CEP85L: variants seen among roughly 807,000 people sequenced by gnomAD.
The protein encoded by CEP85L is centrosomal protein of 85 kDa-like.
Under a neutral mutation model 100.3 loss-of-function variants are expected in CEP85L, and 60 were observed. That is an observed-to-expected ratio of 0.60 (90% CI 0.49 to 0.74). The LOEUF is 0.74. Among genes scored for constraint, CEP85L ranks in the 30% least tolerant of loss-of-function variants. CEP85L has a pLI of 0.00. For synonymous variants in CEP85L, 319 were observed against 322.7 expected (o/e 0.99, Z 0.12); for missense variants, 973 against 936.2 (o/e 1.04, Z -0.51).
Position 118,549,997 on chromosome 6 carries a change from A to G in CEP85L, c.1020+15532T>C, listed in dbSNP as rs182150540. Among the ~76,000 whole-genome samples, 7 of 152,058 alleles carry G rather than the reference A, an allele frequency of 4.6e-5. No homozygotes were observed. The East Asian group carries it at 1.3e-3, about 29-fold the overall frequency. On this transcript the variant is annotated intron_variant, in intron 3 of 12. Coordinates refer to ENST00000368491, the MANE Select transcript of CEP85L (RefSeq NM_001042475.3). ...TCATCTATACCTTAAGGTGCAAGTT[A>G]AGTATTATCTTTGTTTATGAAGACA...
intron 1 of CEP85L, among the ~76,000 whole-genome samples, chr6:118,648,390 A>C (rs1030653171): frequency 6.6e-6 from 1 of 152,176 alleles, no homozygotes; most frequent in Non-Finnish European, 1.5e-5. Flanking sequence ...AACTACACTT[A>C]TTATTCCTAT....
At chr6:118,514,021 ATAAGATTCT>A (rs1341370639) in intron 4 of CEP85L, among the ~76,000 whole-genome samples, 1 of 152,222 alleles carries the variant, frequency 6.6e-6, no homozygotes, top group African/African-American at 2.4e-5. Context: ...ACTATGCTTT[ATAAGATTCT>A]TACATTATAC....
intron 5 of CEP85L, chr6:118,501,549 T>G: frequency 2.0e-6 from 1 of 510,668 alleles, no homozygotes; most frequent in South Asian, 1.5e-5. Flanking sequence ...CTCAGCAACA[T>G]GAAAGAAGAG....
chr6:118,491,194 T>TACAC (rs1491518154), intron 6 of CEP85L, among the ~76,000 whole-genome samples: 253 of 81,290 alleles, frequency 3.1e-3, no homozygotes, highest in South Asian at 6.0e-3. Flanking sequence ...TACCAACATC[T>TACAC]ATACACACAC....
chr6:118,587,911 A>G (rs1780961501), intron 2 of CEP85L, among the ~76,000 whole-genome samples: 1 of 152,192 alleles, frequency 6.6e-6, no homozygotes, highest in Non-Finnish European at 1.5e-5. Flanking sequence ...TATGAGAAAA[A>G]TCTGCCAGTG....
At chr6:118,522,158 C>T (rs1001337842) in intron 4 of CEP85L, among the ~76,000 whole-genome samples, 9 of 151,968 alleles carry the variant, frequency 5.9e-5, no homozygotes, top group Non-Finnish European at 1.3e-4. Context: ...GTCGGGAGTT[C>T]GAGACCAGCC....
chr6:118,519,477 G>A (rs1410858970), intron 4 of CEP85L, among the ~76,000 whole-genome samples: 256 of 16,540 alleles, frequency 0.015, 12 homozygotes, highest in African/African-American at 0.068. Context: ...TGTGTGTGGC[G>A]GGGGGGGGTT....
chr6:118,480,651 TGAAAA>T, intron 8 of CEP85L, 138 bp from the exon 9 acceptor site: 1 of 572,016 alleles, frequency 1.7e-6, no homozygotes, highest in Non-Finnish European at 3.1e-6. Flanking sequence ...AGACAGTATA[TGAAAA>T]ACTGTTATCT....
intron 8 of CEP85L, among the ~76,000 whole-genome samples, chr6:118,481,004 T>C (rs79102425): frequency 0.013 from 1,898 of 146,084 alleles, 25 homozygotes; most frequent in African/African-American, 0.043. Context: ...ATTTCTTTTC[T>C]TTTTTTTTTT....
intron 4 of CEP85L, among the ~76,000 whole-genome samples, chr6:118,513,871 T>A (rs1776111749): frequency 6.6e-6 from 1 of 152,076 alleles, no homozygotes; most frequent in Non-Finnish European, 1.5e-5. Context: ...ATACATAAGA[T>A]ATTTTTCTTA....
intron 2 of CEP85L, among the ~76,000 whole-genome samples, chr6:118,615,757 C>T (rs1772996171): frequency 6.6e-6 from 1 of 152,152 alleles, no homozygotes. Context: ...TACCGACCTA[C>T]CAAAAAACCC....
intron 1 of CEP85L, among the ~76,000 whole-genome samples, chr6:118,639,750 G>A (rs1426377005): frequency 2.0e-5 from 3 of 152,214 alleles, no homozygotes; most frequent in African/African-American, 7.2e-5. Flanking sequence ...CACTTATACA[G>A]GGTCTCAATA....
At chr6:118,486,376 G>GATTA (rs1774187589) in intron 6 of CEP85L, among the ~76,000 whole-genome samples, 1 of 152,034 alleles carries the variant, frequency 6.6e-6, no homozygotes, top group Non-Finnish European at 1.5e-5. Flanking sequence ...ATTCCTAGAA[G>GATTA]GTAATAGGAA....
At position 118,511,357 on chromosome 6, in the gene CEP85L, G is replaced by C; in HGVS notation, c.1198C>G (p.Gln400Glu). ...ERIRDNELRA[Q>E]HAMLGHYVNC... is the part of the protein sequence containing the mutation. The stretch of plus-strand genomic sequence containing the variant: ...ACATAATGTCCTAACATGGCATGTT[G>C]AGCCCGTAATTCATTATCCCTTATC... Residue 400 changes from glutamine (Q) to glutamate (E), a missense_variant, in exon 5 of 13, where the codon CAA becomes GAA. Gln to Glu is a conservative substitution (Grantham distance 29). Transcript: ENST00000368491. The C allele has an allele frequency of 6.2e-7, 1 of 1,613,180 alleles. No individual in the cohort carries two copies. The highest frequency in any genetic ancestry group is 2.2e-5 in the East Asian group (1 of 44,812).
At chr6:118,519,997 T>C (rs781710390) in intron 4 of CEP85L, among the ~76,000 whole-genome samples, 10 of 152,140 alleles carry the variant, frequency 6.6e-5, no homozygotes, top group Admixed American at 3.3e-4. Flanking sequence ...AGGAATAACA[T>C]GGTAGGTTTT....
chr6:118,550,464 C>CA (rs1778476715), intron 3 of CEP85L, among the ~76,000 whole-genome samples: 3 of 151,744 alleles, frequency 2.0e-5, no homozygotes, highest in Admixed American at 2.0e-4. Flanking sequence ...TGAGGAGGGC[C>CA]AATGAACACT....
At chr6:118,669,243 C>T (rs1776223380) in intron 1 of CEP85L, among the ~76,000 whole-genome samples, 1 of 152,172 alleles carries the variant, frequency 6.6e-6, no homozygotes. Flanking sequence ...TCTCTCAAAA[C>T]AAACCATCCT....
At chr6:118,705,955 A>C (rs1777581081) in intron 1 of CEP85L, among the ~76,000 whole-genome samples, 1 of 152,184 alleles carries the variant, frequency 6.6e-6, no homozygotes, top group African/African-American at 2.4e-5. Flanking sequence ...TTTCCTGCTA[A>C]GCCCGCCCCC....
intron 6 of CEP85L, among the ~76,000 whole-genome samples, chr6:118,488,386 C>T (rs900379944): frequency 4.0e-5 from 6 of 151,704 alleles, no homozygotes; most frequent in African/African-American, 9.7e-5. Context: ...AATATAATAA[C>T]TGAAATAAAA....
Sources: gnomAD v4.1 joint callset for allele counts (sites outside exome capture counted in the v4.1 genomes callset) on GRCh38, gnomAD v4.1.1 for gene constraint, MANE v1.5 for transcripts, NCBI Gene and HGNC (gene_info 2026-07-23, HGNC 2026-07-21) for gene names.